SPATA13: variants seen among roughly 807,000 people sequenced by gnomAD.
The protein encoded by SPATA13 is spermatogenesis associated 13.
A neutral mutation model predicts 104.0 loss-of-function variants in SPATA13; 50 were observed. That is an observed-to-expected ratio of 0.48 (90% CI 0.38 to 0.61). SPATA13 has a LOEUF of 0.61. Among genes scored for constraint, SPATA13 ranks in the 20% least tolerant of loss-of-function variants. SPATA13 has a pLI of 0.00. For synonymous variants in SPATA13, 606 were observed against 667.5 expected (o/e 0.91, Z 1.42); for missense variants, 1,524 against 1,690.6 (o/e 0.90, Z 1.73).
intron 1 of SPATA13, among the ~76,000 whole-genome samples, chr13:24,179,098 A>G (rs1356966766): frequency 6.6e-6 from 1 of 152,176 alleles, no homozygotes; most frequent in African/African-American, 2.4e-5. Flanking sequence ...TGGTAGCATG[A>G]ATCAGTATTT....
At chr13:24,058,073 G>A (rs1878631233) in intron 3 of SPATA13, among the ~76,000 whole-genome samples, 1 of 151,794 alleles carries the variant, frequency 6.6e-6, no homozygotes. Flanking sequence ...TGGCCATGCT[G>A]TGGCCCCACA....
chr13:24,102,368 A>G (rs1241734614), intron 3 of SPATA13, among the ~76,000 whole-genome samples: 1 of 151,730 alleles, frequency 6.6e-6, no homozygotes, highest in East Asian at 1.9e-4. Flanking sequence ...TTCTTTATAT[A>G]TTCTGGATAT....
intron 2 of SPATA13, among the ~76,000 whole-genome samples, chr13:24,001,656 G>A (rs1875976525): frequency 6.6e-6 from 1 of 152,088 alleles, no homozygotes; most frequent in South Asian, 2.1e-4. Flanking sequence ...CAGTGACTTG[G>A]GTGGGAAGCA....
At chr13:24,160,489 C>G (rs1361578637), upstream of SPATA13, among the ~76,000 whole-genome samples, 1 of 152,168 alleles carries the variant, frequency 6.6e-6, no homozygotes, top group Non-Finnish European at 1.5e-5. Context: ...GGTGATCCGC[C>G]CACCTCGGCC....
chr13:24,170,859 G>A lies in SPATA13; in HGVS notation c.-112+9927G>A, dbSNP rs557858751. Among the ~76,000 whole-genome samples, 140 of 152,152 alleles carry A rather than the reference G, an allele frequency of 9.2e-4. 2 individuals carry two copies. The highest frequency in any genetic ancestry group is 6.8e-3 in the Middle Eastern group (2 of 294). On this transcript the variant is annotated intron_variant, in intron 1 of 12. Coordinates refer to ENST00000382108, the MANE Select transcript of SPATA13 (RefSeq NM_001166271.3). ...TTACAAACAACAGCAACTCCGAAAA[G>A]TATAGGTTTATATGATTCGTTGTTG... is the stretch of plus-strand genomic sequence containing the variant.
At chr13:24,142,802 T>C (rs1881806676) in intron 3 of SPATA13, among the ~76,000 whole-genome samples, 1 of 152,166 alleles carries the variant, frequency 6.6e-6, no homozygotes. Context: ...TCAAAAAGCT[T>C]AGGCATTTGG....
chr13:24,022,783 C>T (rs1245897998), intron 3 of SPATA13, among the ~76,000 whole-genome samples: 3 of 152,076 alleles, frequency 2.0e-5, no homozygotes, highest in Non-Finnish European at 4.4e-5. Context: ...ACTACTTCTG[C>T]AGGAACATAA....
At chr13:24,222,708 G>C in intron 1 of SPATA13, 111 bp from the exon 2 acceptor site, 1 of 872,618 alleles carries the variant, frequency 1.1e-6, no homozygotes, top group Non-Finnish European at 1.7e-6. Flanking sequence ...AATTGAGTTT[G>C]AAGTAGCTTT....
At position 24,039,335 on chromosome 13, in the gene SPATA13, G is replaced by A. The variant is rs772236096; in HGVS notation, c.-112+21634G>A. Among the ~76,000 whole-genome samples the A allele has an allele frequency of 2.0e-5, 3 of 152,166 alleles. No individual in the cohort carries two copies. The South Asian group carries it at 6.2e-4, about 32-fold the overall frequency. Reference sequence around the variant, plus strand: ...TGACAGCTCTACCTTGCAGACTTTCGTGGCAGGAAGAAAGCCTGGTGGGAA... The same window carrying A: ...TGACAGCTCTACCTTGCAGACTTTCATGGCAGGAAGAAAGCCTGGTGGGAA... On this transcript the variant is annotated intron_variant, in intron 3 of 14. Transcript: ENST00000424834.
At chr13:24,230,249 G>C (rs1261725881) in intron 2 of SPATA13, among the ~76,000 whole-genome samples, 1 of 152,238 alleles carries the variant, frequency 6.6e-6, no homozygotes, top group Non-Finnish European at 1.5e-5. Context: ...GTGAACAGAA[G>C]GGGTTGAAAC....
chr13:24,072,753 C>T, intron 3 of SPATA13, among the ~76,000 whole-genome samples: 1 of 151,854 alleles, frequency 6.6e-6, no homozygotes, highest in African/African-American at 2.4e-5. Flanking sequence ...TGGAGCCTCT[C>T]CTCCCTCGGC....
chr13:24,186,045 A>C (rs1039031369), intron 1 of SPATA13, among the ~76,000 whole-genome samples: 2 of 152,190 alleles, frequency 1.3e-5, no homozygotes, highest in Admixed American at 6.6e-5. Flanking sequence ...TGCCTCACTC[A>C]AAATCTACTG....
intron 1 of SPATA13, among the ~76,000 whole-genome samples, chr13:24,218,871 TAC>T (rs899352375): frequency 6.6e-5 from 10 of 152,244 alleles, no homozygotes; most frequent in African/African-American, 2.4e-4. Context: ...TGCTTTTTTG[TAC>T]ATTTAATCTG....
intron 1 of SPATA13, among the ~76,000 whole-genome samples, chr13:24,219,118 C>T (rs12870973): frequency 0.27 from 40,768 of 151,898 alleles, 5,846 homozygotes; most frequent in Middle Eastern, 0.37. Flanking sequence ...CTGTTCTCTT[C>T]CTATCTCTGG....
chr13:23,987,586 G>A (rs1176436527), intron 2 of SPATA13, among the ~76,000 whole-genome samples: 1 of 152,118 alleles, frequency 6.6e-6, no homozygotes, highest in Non-Finnish European at 1.5e-5. Flanking sequence ...TAAGAATTTG[G>A]TTATGCAATT....
At chr13:24,169,376 C>G (rs1220584) in intron 1 of SPATA13, among the ~76,000 whole-genome samples, 94,306 of 151,986 alleles carry the variant, frequency 0.62, 29,681 homozygotes, top group East Asian at 0.84. Flanking sequence ...TCTGGGTAAG[C>G]AAAAGTGGCA....
At chr13:24,025,555 G>A (rs1401647928) in intron 3 of SPATA13, among the ~76,000 whole-genome samples, 3 of 152,140 alleles carry the variant, frequency 2.0e-5, no homozygotes, top group Admixed American at 2.0e-4. Flanking sequence ...CTTCTCCAAA[G>A]TAGTTGTTCC....
intron 3 of SPATA13, among the ~76,000 whole-genome samples, chr13:24,116,776 C>T (rs1034688988): frequency 6.6e-6 from 1 of 151,348 alleles, no homozygotes; most frequent in Non-Finnish European, 1.5e-5. Context: ...CCAGCCCCCC[C>T]CCCCCAATGT....
At chr13:24,060,921 C>A (rs1032710991) in intron 3 of SPATA13, among the ~76,000 whole-genome samples, 4 of 152,166 alleles carry the variant, frequency 2.6e-5, no homozygotes, top group Non-Finnish European at 5.9e-5. Context: ...TGCCTGTAAT[C>A]TCAGCTACTC....
Sources: gnomAD v4.1 joint callset for allele counts (sites outside exome capture counted in the v4.1 genomes callset) on GRCh38, gnomAD v4.1.1 for gene constraint, MANE v1.5 for transcripts, NCBI Gene and HGNC (gene_info 2026-07-23, HGNC 2026-07-21) for gene names.